Variants in ZNF423 observed in about 807,000 individuals in gnomAD.
The protein encoded by ZNF423 is zinc finger protein 423.
In ZNF423, 12 loss-of-function variants were observed where a neutral mutation model predicts 95.8. That is an observed-to-expected ratio of 0.13 (90% CI 0.08 to 0.20). The LOEUF is 0.20. Among genes scored for constraint, ZNF423 ranks in the 10% least tolerant of loss-of-function variants. The pLI is 1.00. For synonymous variants in ZNF423, 749 were observed against 711.9 expected, an observed-to-expected ratio of 1.05 and a Z score of -0.83; for missense variants, 1,316 against 1,737.1, an observed-to-expected ratio of 0.76 and a Z score of 4.31.
At position 49,822,829 on chromosome 16, in the gene ZNF423, T is replaced by G. The variant is rs2034961615; in HGVS notation, c.40+32906A>C. On this transcript the variant is annotated intron_variant, in intron 1 of 7. Transcript: ENST00000563137. ...AACACTTGTATACCCATTTGACAGA[T>G]GAGCAAACTGAGGCTCAGACTACTT... 19 of 923,676 alleles carry G rather than the reference T, an allele frequency of 2.1e-5. No homozygotes were observed. In the South Asian group the frequency reaches 3.6e-4, roughly 18 times the overall value. The allele number at this position is 923,676 out of a possible 1,614,324, so 57.2% of individuals were successfully genotyped here.
intron 5 of ZNF423, among the ~76,000 whole-genome samples, chr16:49,599,830 G>A (rs1176226941): frequency 6.6e-6 from 1 of 152,186 alleles, no homozygotes; most frequent in Non-Finnish European, 1.5e-5. Flanking sequence ...CGTGGAAGAC[G>A]TCAGAACAGT....
At chr16:49,609,109 A>T (rs1971633491) in intron 5 of ZNF423, among the ~76,000 whole-genome samples, 1 of 152,122 alleles carries the variant, frequency 6.6e-6, no homozygotes, top group South Asian at 2.1e-4. Context: ...GAGAGCAGAA[A>T]TGATGCATTC....
intron 2 of ZNF423, among the ~76,000 whole-genome samples, chr16:49,756,021 C>T (rs1567328653): frequency 6.6e-6 from 1 of 152,046 alleles, no homozygotes; most frequent in African/African-American, 2.4e-5. Flanking sequence ...GATGCAGGGG[C>T]CAGACTGAAA....
chr16:49,554,443 T>A (rs1455107776), intron 5 of ZNF423, among the ~76,000 whole-genome samples: 3 of 152,012 alleles, frequency 2.0e-5, no homozygotes, highest in Non-Finnish European at 4.4e-5. Context: ...TGGCCGAACA[T>A]CCTCTCCCTA....
chr16:49,592,491 T>C (rs142759280), intron 5 of ZNF423, among the ~76,000 whole-genome samples: 125 of 152,372 alleles, frequency 8.2e-4, no homozygotes, highest in African/African-American at 2.9e-3. Flanking sequence ...AGAGTCTTCT[T>C]AATGCAGGCT....
intron 7 of ZNF423, among the ~76,000 whole-genome samples, chr16:49,516,809 G>A: frequency 6.6e-6 from 1 of 152,192 alleles, no homozygotes; most frequent in Non-Finnish European, 1.5e-5. Context: ...GTGGACAGCT[G>A]ACCCAGGCTC....
intron 2 of ZNF423, among the ~76,000 whole-genome samples, chr16:49,773,543 G>A (rs1208243674): frequency 3.3e-5 from 5 of 152,278 alleles, no homozygotes; most frequent in African/African-American, 1.2e-4. Context: ...CCTGTTGACT[G>A]CAATTGCCAA....
At chr16:49,785,844 C>T (rs1428497082) in intron 2 of ZNF423, among the ~76,000 whole-genome samples, 1 of 152,248 alleles carries the variant, frequency 6.6e-6, no homozygotes, top group Non-Finnish European at 1.5e-5. Context: ...AAGGAGTTCA[C>T]ACCTATGGCC....
chr16:49,597,293 C>T (rs1359242087), intron 5 of ZNF423, among the ~76,000 whole-genome samples: 1 of 152,182 alleles, frequency 6.6e-6, no homozygotes, highest in African/African-American at 2.4e-5. Flanking sequence ...ATCCTATCTA[C>T]TCCAGTTGCC....
At chr16:49,699,113 C>A (rs1231071617) in intron 3 of ZNF423, among the ~76,000 whole-genome samples, 2 of 152,318 alleles carry the variant, frequency 1.3e-5, no homozygotes, top group African/African-American at 4.8e-5. Flanking sequence ...TGCCAAGGAG[C>A]CGACAGGCAC....
intron 3 of ZNF423, among the ~76,000 whole-genome samples, chr16:49,713,883 A>G (rs956735634): frequency 6.6e-6 from 1 of 151,538 alleles, no homozygotes; most frequent in Non-Finnish European, 1.5e-5. Context: ...CCAGTAACTC[A>G]CTCCCCCGCT....
chr16:49,792,182 C>CTGACCTCT (rs1597013239), intron 1 of ZNF423, among the ~76,000 whole-genome samples: 1 of 149,696 alleles, frequency 6.7e-6, no homozygotes, highest in African/African-American at 2.4e-5. Flanking sequence ...CAGTTCTCCT[C>CTGACCTCT]TGACCTCTGT....
chr16:49,546,481 A>C (rs1204431356), intron 5 of ZNF423, among the ~76,000 whole-genome samples: 1 of 152,198 alleles, frequency 6.6e-6, no homozygotes, highest in Non-Finnish European at 1.5e-5. Context: ...GGGATAGAGT[A>C]CTAGGATGTT....
intron 5 of ZNF423, among the ~76,000 whole-genome samples, chr16:49,617,398 A>G (rs1311179205): frequency 1.3e-5 from 2 of 152,242 alleles, no homozygotes; most frequent in Non-Finnish European, 2.9e-5. Context: ...TTGCCCATGC[A>G]TCAGCTGCTG....
intron 2 of ZNF423, among the ~76,000 whole-genome samples, chr16:49,743,771 G>C (rs2033464307): frequency 6.6e-6 from 1 of 152,036 alleles, no homozygotes; most frequent in Non-Finnish European, 1.5e-5. Flanking sequence ...GGAGGGCCAG[G>C]GGAGCCCCCT....
intron 3 of ZNF423, chr16:49,730,466 A>C (rs1320020938): frequency 2.4e-6 from 1 of 424,208 alleles, no homozygotes; most frequent in African/African-American, 2.0e-5. Flanking sequence ...CGTTTCCAAA[A>C]GGCCTTCCAG....
chr16:49,734,695 C>G (rs758255355), intron 2 of ZNF423, among the ~76,000 whole-genome samples: 1 of 152,172 alleles, frequency 6.6e-6, no homozygotes, highest in Non-Finnish European at 1.5e-5. Flanking sequence ...GGACAGAAAC[C>G]GAACCAGTGC....
intron 1 of ZNF423, among the ~76,000 whole-genome samples, chr16:49,836,514 ACCCT>A (rs1198916689): frequency 2.0e-5 from 3 of 151,880 alleles, no homozygotes; most frequent in Admixed American, 2.0e-4. Flanking sequence ...GTAGACAGTG[ACCCT>A]GGCAGTTACT....
chr16:49,662,069 G>A (rs1290945806), intron 3 of ZNF423, among the ~76,000 whole-genome samples: 2 of 152,244 alleles, frequency 1.3e-5, no homozygotes, highest in East Asian at 3.9e-4. Context: ...GCAGAGCCGT[G>A]GTTCACTGTG....
Sources: gnomAD v4.1 joint callset for allele counts (sites outside exome capture counted in the v4.1 genomes callset) on GRCh38, gnomAD v4.1.1 for gene constraint, MANE v1.5 for transcripts, NCBI Gene and HGNC (gene_info 2026-07-23, HGNC 2026-07-21) for gene names.